NCALD: variants seen among roughly 807,000 people sequenced by gnomAD.
The protein encoded by NCALD is neurocalcin-delta.
In NCALD, 10 loss-of-function variants were observed where a neutral mutation model predicts 18.6. The ratio of observed to expected loss-of-function variants is 0.54; its 90% CI spans 0.33 to 0.91. NCALD has a LOEUF of 0.91. Among genes scored for constraint, NCALD ranks in the 40% least tolerant of loss-of-function variants. The probability of loss-of-function intolerance (pLI) is 0.03; values close to 1 mark genes in which losing one functional copy is unlikely to be tolerated. For synonymous variants in NCALD, 88 were observed against 87.4 expected (o/e 1.01, Z -0.04); for missense variants, 184 against 247.6 (o/e 0.74, Z 1.72).
chr8:102,047,359 T>C (rs1191576755), intron 1 of NCALD, among the ~76,000 whole-genome samples: 6 of 152,196 alleles, frequency 3.9e-5, no homozygotes, highest in Admixed American at 2.0e-4. Context: ...ACTCTTGGCT[T>C]ATGAATTTCC....
At chr8:102,060,530 C>A (rs968067059) in intron 1 of NCALD, among the ~76,000 whole-genome samples, 4 of 152,144 alleles carry the variant, frequency 2.6e-5, no homozygotes, top group African/African-American at 9.7e-5. Context: ...TGGAACCAGA[C>A]CCTCATTTAG....
intron 1 of NCALD, among the ~76,000 whole-genome samples, chr8:101,737,835 A>G (rs1255577752): frequency 1.3e-5 from 2 of 152,198 alleles, no homozygotes; most frequent in Non-Finnish European, 2.9e-5. Context: ...CATGTGGTAA[A>G]TGCTCAAGAA....
chr8:101,802,024 A>G (rs576372335), intron 4 of NCALD, among the ~76,000 whole-genome samples: 10 of 152,164 alleles, frequency 6.6e-5, no homozygotes, highest in Admixed American at 2.6e-4. Flanking sequence ...TGTGATCTTT[A>G]CAAACTGAAC....
At chr8:101,865,169 T>C (rs1053269104) in intron 4 of NCALD, among the ~76,000 whole-genome samples, 1 of 152,220 alleles carries the variant, frequency 6.6e-6, no homozygotes, top group African/African-American at 2.4e-5. Flanking sequence ...AGATTTTGAA[T>C]GATGAAAACT....
At chr8:101,739,684 A>G (rs888367418) in intron 1 of NCALD, among the ~76,000 whole-genome samples, 1 of 151,778 alleles carries the variant, frequency 6.6e-6, no homozygotes, top group South Asian at 2.1e-4. Context: ...CAGCTTTTGG[A>G]CTCTTGGACT....
chr8:101,983,262 A>G (rs545013472), intron 2 of NCALD, among the ~76,000 whole-genome samples: 30 of 152,218 alleles, frequency 2.0e-4, no homozygotes, highest in Admixed American at 1.8e-3. Flanking sequence ...CCCCTGGCTC[A>G]TCTCAGGGGC....
At chr8:101,854,865 A>G (rs928360441) in intron 4 of NCALD, among the ~76,000 whole-genome samples, 2 of 152,212 alleles carry the variant, frequency 1.3e-5, no homozygotes, top group Non-Finnish European at 2.9e-5. Context: ...AATAAACCTC[A>G]ATGAGTACCT....
chr8:101,733,612 G>A (rs1359246679), intron 1 of NCALD, among the ~76,000 whole-genome samples: 2 of 152,170 alleles, frequency 1.3e-5, no homozygotes, highest in Non-Finnish European at 2.9e-5. Flanking sequence ...CAGTTTGGTT[G>A]GGTTGTTTAC....
intron 1 of NCALD, among the ~76,000 whole-genome samples, chr8:102,043,205 TGCAG>T (rs758657540): frequency 2.6e-5 from 4 of 152,074 alleles, no homozygotes; most frequent in Non-Finnish European, 4.4e-5. Context: ...TCCCAATTCA[TGCAG>T]GGCTCATGTG....
intron 4 of NCALD, chr8:101,872,498 CCTT>C: frequency 1.3e-6 from 1 of 772,428 alleles, no homozygotes; most frequent in African/African-American, 1.7e-5. Context: ...GGTAAGATGC[CCTT>C]CTTGTCTAAG....
intron 4 of NCALD, among the ~76,000 whole-genome samples, chr8:101,856,246 A>G (rs904212807): frequency 2.6e-5 from 4 of 152,178 alleles, no homozygotes; most frequent in African/African-American, 9.7e-5. Flanking sequence ...ATCTTGACTC[A>G]CTGCAACCTC....
upstream of NCALD, among the ~76,000 whole-genome samples, chr8:101,793,154 T>C (rs1383145023): frequency 6.6e-6 from 1 of 152,026 alleles, no homozygotes; most frequent in African/African-American, 2.4e-5. Flanking sequence ...ATCAAGACCA[T>C]CCTGGCTAAC....
intron 2 of NCALD, among the ~76,000 whole-genome samples, chr8:101,985,653 G>A (rs1446831454): frequency 1.3e-5 from 2 of 152,232 alleles, no homozygotes; most frequent in Non-Finnish European, 2.9e-5. Flanking sequence ...AAGGAAGAAA[G>A]AGGATGAACA....
intron 1 of NCALD, among the ~76,000 whole-genome samples, chr8:102,032,095 G>A (rs1467266281): frequency 1.3e-5 from 2 of 152,144 alleles, no homozygotes; most frequent in South Asian, 2.1e-4. Flanking sequence ...TATGAGCTGA[G>A]CTGCCCACCA....
intron 4 of NCALD, among the ~76,000 whole-genome samples, chr8:101,842,271 T>C (rs901964104): frequency 6.6e-6 from 1 of 152,040 alleles, no homozygotes; most frequent in Non-Finnish European, 1.5e-5. Context: ...CTTTGGAGGT[T>C]AGGACTTCAA....
intron 2 of NCALD, among the ~76,000 whole-genome samples, chr8:101,949,101 C>T (rs1396763123): frequency 6.6e-6 from 1 of 152,194 alleles, no homozygotes; most frequent in Non-Finnish European, 1.5e-5. Flanking sequence ...CTGCTTACTA[C>T]CTACCCACCT....
intron 1 of NCALD, among the ~76,000 whole-genome samples, chr8:102,053,964 A>C (rs1219590167): frequency 1.3e-5 from 2 of 152,108 alleles, no homozygotes; most frequent in Non-Finnish European, 1.5e-5. Flanking sequence ...ACGTAGTAGA[A>C]TATGTCAATC....
At chr8:102,097,389 A>C (rs1350423925) in intron 1 of NCALD, among the ~76,000 whole-genome samples, 1 of 152,224 alleles carries the variant, frequency 6.6e-6, no homozygotes, top group Non-Finnish European at 1.5e-5. Flanking sequence ...CCTTACTCAC[A>C]ACCAAAGTCC....
intron 4 of NCALD, among the ~76,000 whole-genome samples, chr8:101,847,536 C>T (rs1814919919): frequency 6.6e-6 from 1 of 152,118 alleles, no homozygotes; most frequent in Non-Finnish European, 1.5e-5. Flanking sequence ...ATCTCTAGAC[C>T]TCTGATTATA....
Sources: gnomAD v4.1 joint callset for allele counts (sites outside exome capture counted in the v4.1 genomes callset) on GRCh38, gnomAD v4.1.1 for gene constraint, MANE v1.5 for transcripts, NCBI Gene and HGNC (gene_info 2026-07-23, HGNC 2026-07-21) for gene names.